The following RDX variants were observed in gnomAD, a reference collection of about 807,000 sequenced individuals.
The protein encoded by RDX is deafness, autosomal recessive 24.
In RDX, 32 loss-of-function variants were observed where a neutral mutation model predicts 83.7. The ratio of observed to expected loss-of-function variants is 0.38; its 90% CI spans 0.29 to 0.51. The LOEUF is 0.51. Ranked by LOEUF, RDX falls within the 20% of genes least tolerant of loss-of-function variation. The pLI is 0.87. For missense variants in RDX, 600 were observed against 689.9 expected (o/e 0.87, Z 1.46); for synonymous variants, 229 against 222.7 (o/e 1.03, Z -0.25).
intron 15 of RDX, among the ~76,000 whole-genome samples, chr11:110,192,038 C>A (rs1350682110): frequency 6.6e-6 from 1 of 152,086 alleles, no homozygotes; most frequent in African/African-American, 2.4e-5. Context: ...AAAAGCTATT[C>A]TAAAATTCAT....
intron 2 of RDX, among the ~76,000 whole-genome samples, chr11:110,273,241 A>T (rs939996877): frequency 6.6e-6 from 1 of 152,260 alleles, no homozygotes; most frequent in Non-Finnish European, 1.5e-5. Flanking sequence ...AAAAAGGCAA[A>T]GGAGGTATTT....
At chr11:110,214,847 G>C (rs1339346296) in intron 14 of RDX, among the ~76,000 whole-genome samples, 2 of 121,362 alleles carry the variant, frequency 1.6e-5, no homozygotes, top group South Asian at 3.3e-4. Context: ...GTTGTGGGGT[G>C]GGGGGAGGGG....
chr11:110,284,614 G>A lies in RDX; in HGVS notation c.-64-4858C>T, dbSNP rs191515544. On this transcript the variant is annotated intron_variant, in intron 1 of 13. Transcript: ENST00000645495. ...CGGCTCACTGCAAGCTCTGCCTCCCGGATTTACACCATTCTCCTGCCTCAG... is the reference window on the plus strand; with the variant it reads ...CGGCTCACTGCAAGCTCTGCCTCCCAGATTTACACCATTCTCCTGCCTCAG... Among the ~76,000 whole-genome samples the A allele has an allele frequency of 9.4e-3, 1,432 of 151,716 alleles. 14 individuals are homozygous for A. The highest frequency in any genetic ancestry group is 0.045 in the South Asian group (213 of 4,774).
chr11:110,276,779 T>C (rs1017335609), intron 2 of RDX, among the ~76,000 whole-genome samples: 2 of 152,192 alleles, frequency 1.3e-5, no homozygotes, highest in African/African-American at 4.8e-5. Flanking sequence ...GGATCCACAG[T>C]TCCTATTCCA....
chr11:110,286,103 C>T (rs941182702), intron 1 of RDX, among the ~76,000 whole-genome samples: 6 of 152,144 alleles, frequency 3.9e-5, no homozygotes, highest in African/African-American at 1.4e-4. Flanking sequence ...CTTAATTAAA[C>T]CAATTAAATC....
At chr11:110,271,382 A>G (rs1470730960) in intron 3 of RDX, among the ~76,000 whole-genome samples, 1 of 152,192 alleles carries the variant, frequency 6.6e-6, no homozygotes, top group African/African-American at 2.4e-5. Flanking sequence ...GCTCCTAAGA[A>G]AAAGTGTACG....
chr11:110,192,292 C>T (rs1025663486), intron 15 of RDX, among the ~76,000 whole-genome samples: 1 of 152,164 alleles, frequency 6.6e-6, no homozygotes, highest in Non-Finnish European at 1.5e-5. Context: ...GGGGAAAGGA[C>T]TCCCTATTTA....
chr11:110,272,603 G>A lies in RDX; in HGVS notation c.29C>T (p.Thr10Ile). 2 of 1,610,748 alleles carry A rather than the reference G, an allele frequency of 1.2e-6. No individual in the cohort carries two copies. Among genetic ancestry groups the A allele is most frequent in the Non-Finnish European group, 1.7e-6 (2 of 1,178,080 alleles). The change falls in exon 3 of 14, where the codon ACT becomes ATT. Residue 10 changes from threonine (T) to isoleucine (I), a missense_variant. Thr to Ile is a moderately conservative substitution (Grantham distance 89). Transcript: ENST00000645495. ...AAATTCCAGCTCAGCATCCATTGTAGTTACTCTTACGTTGATCTGTAATAA... is the reference window on the plus strand; with the variant it reads ...AAATTCCAGCTCAGCATCCATTGTAATTACTCTTACGTTGATCTGTAATAA... Reference protein sequence around the residue: MPKPINVRVTTMDAELEFAI... With the variant: MPKPINVRVITMDAELEFAI...
chr11:110,227,126 A>T (rs10749958), downstream of RDX, among the ~76,000 whole-genome samples: 1 of 151,890 alleles, frequency 6.6e-6, no homozygotes, highest in Non-Finnish European at 1.5e-5. Flanking sequence ...TTCCCTTATG[A>T]TTCTGAAAAA....
intron 14 of RDX, among the ~76,000 whole-genome samples, chr11:110,204,192 A>G (rs1185705768): frequency 6.6e-6 from 1 of 152,110 alleles, no homozygotes; most frequent in Non-Finnish European, 1.5e-5. Flanking sequence ...GTCTGTGTAG[A>G]AAGCCCAAAA....
intron 5 of RDX, among the ~76,000 whole-genome samples, chr11:110,258,542 A>T (rs1859653258): frequency 6.6e-6 from 1 of 152,146 alleles, no homozygotes; most frequent in Admixed American, 6.5e-5. Flanking sequence ...AGTGTCTAGG[A>T]TCCTTAAATT....
intron 5 of RDX, among the ~76,000 whole-genome samples, chr11:110,258,445 T>A (rs1859641352): frequency 1.3e-5 from 2 of 152,176 alleles, no homozygotes; most frequent in South Asian, 4.1e-4. Flanking sequence ...TTACACAAGA[T>A]GTTACCATCA....
At chr11:110,183,078 G>A (rs1314705222) in intron 15 of RDX, among the ~76,000 whole-genome samples, 1 of 152,152 alleles carries the variant, frequency 6.6e-6, no homozygotes, top group Non-Finnish European at 1.5e-5. Flanking sequence ...GACAGTGAAG[G>A]GTGATGACTC....
At chr11:110,292,149 C>A (rs773076408) in intron 1 of RDX, among the ~76,000 whole-genome samples, 4 of 152,002 alleles carry the variant, frequency 2.6e-5, no homozygotes, top group Non-Finnish European at 5.9e-5. Flanking sequence ...AAAAATTAGC[C>A]GGGCCTGGTG....
chr11:110,290,548 A>G (rs1861197019), intron 1 of RDX, among the ~76,000 whole-genome samples: 1 of 152,110 alleles, frequency 6.6e-6, no homozygotes, highest in Non-Finnish European at 1.5e-5. Context: ...TTATGAATAC[A>G]ATATGGCACA....
At chr11:110,189,009 T>C (rs1863045623) in intron 15 of RDX, among the ~76,000 whole-genome samples, 1 of 151,920 alleles carries the variant, frequency 6.6e-6, no homozygotes, top group South Asian at 2.1e-4. Context: ...AACGTTAACA[T>C]TGAATGTCAA....
chr11:110,262,356 G>A (rs777194829), intron 5 of RDX, among the ~76,000 whole-genome samples: 4 of 152,136 alleles, frequency 2.6e-5, no homozygotes, highest in African/African-American at 4.8e-5. Flanking sequence ...AGGCCGAAGC[G>A]GGTGGATCAT....
rs1228372452 is a variant in RDX, at chr11:110,294,177, G to A, written c.-65+2290C>T. On this transcript the variant is annotated intron_variant, in intron 1 of 13. Coordinates refer to ENST00000645495, the MANE Select transcript of RDX (RefSeq NM_002906.4). Reference sequence around the variant, plus strand: ...GGGAGGCCGAGGCGGGCAGAACGCCGGAGGTCCAGGAGTTCCAGACCAGCC... The same window carrying A: ...GGGAGGCCGAGGCGGGCAGAACGCCAGAGGTCCAGGAGTTCCAGACCAGCC... Among the ~76,000 whole-genome samples the A allele has an allele frequency of 5.3e-5, 8 of 152,328 alleles. No individual in the cohort carries two copies. The South Asian group carries it at 1.0e-3, about 20-fold the overall frequency.
rs1591148791 is a variant in RDX, at chr11:110,247,901, A to C, written c.960-68T>G. 4 of 1,500,344 alleles carry C rather than the reference A, an allele frequency of 2.7e-6. No homozygotes were observed. In the East Asian group the frequency reaches 9.9e-5, roughly 37 times the overall value. The allele number at this position is 1,500,344 out of a possible 1,614,324, so 92.9% of individuals were successfully genotyped here. A position where few individuals can be genotyped will look rare whatever the true frequency, so the allele number is the denominator to read the frequency against. The stretch of plus-strand genomic sequence containing the variant: ...AATATTATTCATGTGATGGAATACT[A>C]CTCTGCCATAAAAAGTAACAAAATA... On this transcript the variant is annotated intron_variant, in intron 9 of 13. Transcript: ENST00000645495.
Sources: allele counts gnomAD v4.1 joint callset (sites outside exome capture counted in the v4.1 genomes callset), GRCh38; gene constraint gnomAD v4.1.1; transcripts MANE v1.5; gene names NCBI Gene and HGNC (gene_info 2026-07-23, HGNC 2026-07-21).